Variants in ERC2 observed in about 807,000 individuals in gnomAD.
ERC2 encodes ERC protein 2.
ERC2 carries 42 observed loss-of-function variants against 114.8 expected under a neutral mutation model. The observed-to-expected ratio is 0.37, with a 90% CI of 0.29 to 0.47. ERC2 has a LOEUF of 0.47. Among genes scored for constraint, ERC2 ranks in the 20% least tolerant of loss-of-function variants. The probability of loss-of-function intolerance (pLI) is 0.99; values close to 1 mark genes in which losing one functional copy is unlikely to be tolerated. For missense variants in ERC2, 939 were observed against 1,150.7 expected (o/e 0.82, Z 2.66); for synonymous variants, 454 against 425.5 (o/e 1.07, Z -0.82).
intron 3 of ERC2, chr3:56,184,957 A>C (rs1487154985): frequency 6.6e-6 from 1 of 152,048 alleles, no homozygotes. Context: ...GCTAAAATAC[A>C]CCTCCCTGAA....
At chr3:56,370,689 G>A (rs2059332774) in intron 2 of ERC2, among the ~76,000 whole-genome samples, 1 of 149,988 alleles carries the variant, frequency 6.7e-6, no homozygotes, top group Non-Finnish European at 1.5e-5. Flanking sequence ...CCGCCTCCCA[G>A]GTTCAAGCAA....
intron 15 of ERC2, among the ~76,000 whole-genome samples, chr3:55,724,770 C>T (rs17055868): frequency 0.033 from 5,024 of 152,220 alleles, 264 homozygotes; most frequent in African/African-American, 0.11. Context: ...TAATAACTCC[C>T]AAAATCCACA....
chr3:55,997,125 A>G (rs1340027068), intron 10 of ERC2, among the ~76,000 whole-genome samples: 1 of 152,178 alleles, frequency 6.6e-6, no homozygotes, highest in Non-Finnish European at 1.5e-5. Flanking sequence ...TTTGAAATAA[A>G]CCCTACCAAT....
At chr3:55,820,549 G>A (rs200822060) in intron 14 of ERC2, among the ~76,000 whole-genome samples, 33 of 152,130 alleles carry the variant, frequency 2.2e-4, no homozygotes, top group African/African-American at 5.8e-4. Flanking sequence ...TTCTGAAAGC[G>A]TGTGTGTATT....
intron 11 of ERC2, 41 bp downstream of exon 11, chr3:55,992,016 G>A (rs771775950): frequency 1.3e-6 from 2 of 1,587,702 alleles, no homozygotes; most frequent in Non-Finnish European, 1.7e-6. Context: ...CGCAGTCCAT[G>A]TTCTCTCACT....
chr3:55,936,805 T>C (rs1559898046), intron 13 of ERC2, among the ~76,000 whole-genome samples: 1 of 152,154 alleles, frequency 6.6e-6, no homozygotes, highest in African/African-American at 2.4e-5. Context: ...CCCTCACCAG[T>C]GTAAATGCTG....
chr3:55,520,433 C>CAAAA lies in ERC2; in HGVS notation c.*40-9161_*40-9158dup, dbSNP rs35883947. Reference sequence around the variant, plus strand: ...CCTGGGAGACAGTGAGACTCTGTCTCAAAAAAAAAAAAAAAAAAATCTAAG... The same window carrying CAAAA: ...CCTGGGAGACAGTGAGACTCTGTCTCAAAAAAAAAAAAAAAAAAAAAAATCTAAG... On this transcript the variant is annotated intron_variant, in intron 17 of 17. Transcript: ENST00000288221. Among the ~76,000 whole-genome samples, 948 of 109,354 alleles carry CAAAA rather than the reference C, an allele frequency of 8.7e-3. 26 individuals are homozygous for CAAAA. Among genetic ancestry groups the CAAAA allele is most frequent in the Middle Eastern group, 0.026 (5 of 196 alleles). The allele number at this position is 109,354 out of a possible 152,430, so 71.7% of individuals were successfully genotyped here.
chr3:56,273,011 G>A (rs942254833), intron 3 of ERC2, among the ~76,000 whole-genome samples: 1 of 152,154 alleles, frequency 6.6e-6, no homozygotes, highest in Non-Finnish European at 1.5e-5. Context: ...TTCCTTCATA[G>A]CATCAGCTGA....
chr3:55,669,629 A>G (rs2061481405), intron 17 of ERC2, among the ~76,000 whole-genome samples: 2 of 152,206 alleles, frequency 1.3e-5, no homozygotes, highest in South Asian at 2.1e-4. Context: ...CCTAATTCCA[A>G]TGGGCTATTA....
At chr3:56,077,296 A>T (rs535216361) in intron 7 of ERC2, among the ~76,000 whole-genome samples, 1 of 152,270 alleles carries the variant, frequency 6.6e-6, no homozygotes, top group African/African-American at 2.4e-5. Context: ...CAGTGGTTTT[A>T]TTTCCTTCCC....
chr3:55,696,035 A>T (rs149218194), intron 16 of ERC2, among the ~76,000 whole-genome samples: 1 of 152,190 alleles, frequency 6.6e-6, no homozygotes, highest in African/African-American at 2.4e-5. Flanking sequence ...TCATGGGACT[A>T]ATGTTCTAAA....
chr3:55,675,207 C>T (rs1310661221), intron 17 of ERC2, among the ~76,000 whole-genome samples: 1 of 152,162 alleles, frequency 6.6e-6, no homozygotes, highest in Non-Finnish European at 1.5e-5. Flanking sequence ...GAAAACAAAG[C>T]TAGAGGACAT....
intron 6 of ERC2, among the ~76,000 whole-genome samples, chr3:56,115,410 T>C (rs2079175216): frequency 6.6e-6 from 1 of 152,056 alleles, no homozygotes; most frequent in Admixed American, 6.5e-5. Context: ...TTGGTTCCTC[T>C]AGGAACCAGC....
At chr3:56,432,482 C>T (rs919482342) in intron 2 of ERC2, among the ~76,000 whole-genome samples, 1 of 152,110 alleles carries the variant, frequency 6.6e-6, no homozygotes, top group Non-Finnish European at 1.5e-5. Flanking sequence ...GAAATGATAC[C>T]GAAGAGCATC....
chr3:56,281,429 T>A (rs1197085235), intron 3 of ERC2, among the ~76,000 whole-genome samples: 1 of 33,314 alleles, frequency 3.0e-5, no homozygotes. Flanking sequence ...AGAGCAAGAC[T>A]CCGTCTCAAA....
chr3:56,125,008 A>G (rs2079793054), intron 6 of ERC2, among the ~76,000 whole-genome samples: 1 of 152,184 alleles, frequency 6.6e-6, no homozygotes, highest in Admixed American at 6.5e-5. Flanking sequence ...TATTTCATCC[A>G]ACATGTGGTT....
chr3:55,711,777 T>C (rs1418186131), intron 15 of ERC2, among the ~76,000 whole-genome samples: 1 of 152,222 alleles, frequency 6.6e-6, no homozygotes, highest in Non-Finnish European at 1.5e-5. Context: ...GGAACAGCTT[T>C]GCTTGTCCTA....
intron 13 of ERC2, among the ~76,000 whole-genome samples, chr3:55,939,376 T>C (rs1323910913): frequency 6.6e-6 from 1 of 152,236 alleles, no homozygotes; most frequent in African/African-American, 2.4e-5. Context: ...GCAATGTTAA[T>C]AAATGCCCTA....
At chr3:55,568,569 C>T (rs1414918446) in intron 17 of ERC2, among the ~76,000 whole-genome samples, 1 of 152,196 alleles carries the variant, frequency 6.6e-6, no homozygotes, top group Non-Finnish European at 1.5e-5. Flanking sequence ...TATTACCTTT[C>T]ACTTGAAAAC....
Sources: gnomAD v4.1 joint callset for allele counts (sites outside exome capture counted in the v4.1 genomes callset) on GRCh38, gnomAD v4.1.1 for gene constraint, MANE v1.5 for transcripts, NCBI Gene and HGNC (gene_info 2026-07-23, HGNC 2026-07-21) for gene names.